The following CTNNA2 variants were observed in gnomAD, a reference collection of about 807,000 sequenced individuals.
CTNNA2 encodes the protein catenin alpha-2.
CTNNA2 carries 42 observed loss-of-function variants against 101.0 expected under a neutral mutation model. That is an observed-to-expected ratio of 0.42 (90% confidence interval 0.32 to 0.54). CTNNA2 has a LOEUF of 0.54. Ranked by LOEUF, CTNNA2 falls within the 20% of genes least tolerant of loss-of-function variation. The pLI, the probability that CTNNA2 is intolerant of heterozygous loss-of-function variation, is 0.14. For missense variants in CTNNA2, 871 were observed against 1,223.1 expected (o/e 0.71, Z 4.29); for synonymous variants, 450 against 456.4 (o/e 0.99, Z 0.18).
chr2:80,542,004 T>A (rs937885014), intron 9 of CTNNA2, among the ~76,000 whole-genome samples: 1 of 151,414 alleles, frequency 6.6e-6, no homozygotes, highest in Non-Finnish European at 1.5e-5. Context: ...AATCTTGTTT[T>A]TTCTACATTT....
intron 1 of CTNNA2, among the ~76,000 whole-genome samples, chr2:79,601,869 G>A (rs376337495): frequency 1.3e-5 from 2 of 152,286 alleles, no homozygotes; most frequent in South Asian, 4.1e-4. Context: ...ACATGTTGAA[G>A]ATGCATTTAA....
Position 80,634,797 on chromosome 2 carries a change from C to T in CTNNA2, c.2575-12788C>T, listed in dbSNP as rs1009180774. Among the ~76,000 whole-genome samples, 12 of 152,150 alleles carry T rather than the reference C, an allele frequency of 7.9e-5. No homozygotes were observed. The East Asian group carries it at 1.7e-3, about 22-fold the overall frequency. ...TGTTTTGAAAATATTGCTGACAGGA[C>T]ATGATGGCAGATTAGATGTTGAGTT... On this transcript the variant is annotated intron_variant, in intron 18 of 18. Coordinates refer to ENST00000402739, the MANE Select transcript of CTNNA2 (RefSeq NM_001282597.3).
chr2:79,388,783 C>CTT, intron 4 of CTNNA2, among the ~76,000 whole-genome samples: 1 of 149,376 alleles, frequency 6.7e-6, no homozygotes, highest in African/African-American at 2.4e-5. Context: ...TCTCTCTCCT[C>CTT]TTTTTTTTTT....
intron 4 of CTNNA2, among the ~76,000 whole-genome samples, chr2:79,395,878 T>C (rs926914138): frequency 1.3e-4 from 20 of 152,166 alleles, no homozygotes; most frequent in African/African-American, 4.8e-4. Flanking sequence ...ATGGAAATTA[T>C]AACAGGCCTC....
intron 2 of CTNNA2, among the ~76,000 whole-genome samples, chr2:79,718,569 T>C (rs2104848562): frequency 6.6e-6 from 1 of 152,312 alleles, no homozygotes; most frequent in Admixed American, 6.5e-5. Flanking sequence ...GAAATGAATT[T>C]TATCTAAAAA....
At chr2:79,924,372 A>T (rs1032173587) in intron 7 of CTNNA2, among the ~76,000 whole-genome samples, 1 of 152,114 alleles carries the variant, frequency 6.6e-6, no homozygotes, top group African/African-American at 2.4e-5. Context: ...CCTGCTAAAC[A>T]GGCTAGTACA....
At chr2:79,207,633 C>T (rs969609036) in intron 2 of CTNNA2, among the ~76,000 whole-genome samples, 9 of 152,144 alleles carry the variant, frequency 5.9e-5, no homozygotes, top group African/African-American at 2.2e-4. Context: ...CTGTCATGGG[C>T]CATGAAGAAC....
intron 7 of CTNNA2, among the ~76,000 whole-genome samples, chr2:80,232,321 T>TTTTGTTTGTTTG (rs71386616): frequency 9.0e-6 from 1 of 110,992 alleles, no homozygotes; most frequent in South Asian, 3.3e-4. Context: ...AGAATTTGGG[T>TTTTGTTTGTTTG]TTTGTTTGTT....
At chr2:80,270,999 G>A (rs1187760814) in intron 7 of CTNNA2, among the ~76,000 whole-genome samples, 1 of 152,068 alleles carries the variant, frequency 6.6e-6, no homozygotes, top group African/African-American at 2.4e-5. Context: ...GATCATATAA[G>A]GTCCCCACCC....
chr2:80,396,421 G>A (rs1056021143), intron 8 of CTNNA2, among the ~76,000 whole-genome samples: 1 of 152,262 alleles, frequency 6.6e-6, no homozygotes, highest in Admixed American at 6.5e-5. Context: ...GGCACAGCAG[G>A]CCCTGTGTCT....
chr2:79,992,874 A>G (rs1426647618), intron 7 of CTNNA2, among the ~76,000 whole-genome samples: 1 of 152,222 alleles, frequency 6.6e-6, no homozygotes, highest in Non-Finnish European at 1.5e-5. Context: ...GAAAAGGGAA[A>G]GTAGGACTAT....
chr2:80,165,299 CT>C (rs879745446), intron 7 of CTNNA2, among the ~76,000 whole-genome samples: 1,830 of 146,262 alleles, frequency 0.013, 37 homozygotes, highest in African/African-American at 0.043. Flanking sequence ...TTTTTCTTTC[CT>C]TTTTTTTTTA....
At chr2:80,614,471 G>T (rs1303034646) in intron 17 of CTNNA2, among the ~76,000 whole-genome samples, 1 of 151,360 alleles carries the variant, frequency 6.6e-6, no homozygotes, top group Non-Finnish European at 1.5e-5. Context: ...AGAGACTTGA[G>T]CATCCTTGAA....
At chr2:80,464,142 A>C (rs1186982823) in intron 9 of CTNNA2, among the ~76,000 whole-genome samples, 1 of 152,080 alleles carries the variant, frequency 6.6e-6, no homozygotes, top group Non-Finnish European at 1.5e-5. Context: ...CCCTCTTGGA[A>C]TTCTAGTTGA....
intron 7 of CTNNA2, among the ~76,000 whole-genome samples, chr2:80,039,742 C>G (rs1185986175): frequency 6.6e-6 from 1 of 152,192 alleles, no homozygotes; most frequent in South Asian, 2.1e-4. Context: ...CAGGAAGATA[C>G]AGTTTCCTAT....
intron 7 of CTNNA2, among the ~76,000 whole-genome samples, chr2:80,155,494 C>T (rs1703953256): frequency 6.6e-6 from 1 of 152,176 alleles, no homozygotes; most frequent in African/African-American, 2.4e-5. Flanking sequence ...TCCTTTCCTT[C>T]CCACCTCCCT....
At chr2:79,659,250 C>A in intron 2 of CTNNA2, among the ~76,000 whole-genome samples, 1 of 139,672 alleles carries the variant, frequency 7.2e-6, no homozygotes, top group African/African-American at 2.7e-5. Flanking sequence ...CATACACTTT[C>A]TTATAGAATT....
At chr2:80,119,737 C>T (rs1701726772) in intron 7 of CTNNA2, among the ~76,000 whole-genome samples, 1 of 152,130 alleles carries the variant, frequency 6.6e-6, no homozygotes, top group Non-Finnish European at 1.5e-5. Context: ...GACAGGTAGT[C>T]ATCTATAACT....
chr2:79,382,938 G>A (rs1208630131), intron 4 of CTNNA2, among the ~76,000 whole-genome samples: 2 of 152,206 alleles, frequency 1.3e-5, no homozygotes, highest in Non-Finnish European at 2.9e-5. Flanking sequence ...TTTAATAAAT[G>A]TCTTATCTCG....
Sources: gnomAD v4.1 joint callset for allele counts (sites outside exome capture counted in the v4.1 genomes callset) on GRCh38, gnomAD v4.1.1 for gene constraint, MANE v1.5 for transcripts, NCBI Gene and HGNC (gene_info 2026-07-23, HGNC 2026-07-21) for gene names.